Variants in SLC4A4 observed in about 807,000 individuals in gnomAD.
SLC4A4 encodes the protein solute carrier family 4 member 4, also known as electrogenic sodium bicarbonate cotransporter 1.
In SLC4A4, 27 loss-of-function variants were observed where a neutral mutation model predicts 111.5. The ratio of observed to expected loss-of-function variants is 0.24; its 90% CI spans 0.18 to 0.33. The LOEUF is 0.33. SLC4A4 is among the 10% of genes least tolerant of loss of function. The probability of loss-of-function intolerance (pLI) is 1.00; values close to 1 mark genes in which losing one functional copy is unlikely to be tolerated. For synonymous variants in SLC4A4, 443 were observed against 463.4 expected (o/e 0.96, Z 0.57); for missense variants, 909 against 1,315.5 (o/e 0.69, Z 4.78).
At chr4:71,183,772 G>A (rs1745373292), upstream of SLC4A4, among the ~76,000 whole-genome samples, 1 of 152,152 alleles carries the variant, frequency 6.6e-6, no homozygotes, top group South Asian at 2.1e-4. Context: ...TCTCTATTCT[G>A]TGTAGCAACA....
intron 1 of SLC4A4, among the ~76,000 whole-genome samples, chr4:71,075,437 G>A (rs1321786625): frequency 6.6e-6 from 1 of 152,176 alleles, no homozygotes; most frequent in African/African-American, 2.4e-5. Context: ...CCCTTGCCAT[G>A]CTCTGTAAGG....
At position 71,241,794 on chromosome 4, in the gene SLC4A4, A is replaced by G. The variant is rs149606554; in HGVS notation, c.73+5145A>G. Among the ~76,000 whole-genome samples the G allele has an allele frequency of 8.5e-5, 13 of 152,346 alleles. No individual in the cohort carries two copies. The East Asian group carries it at 2.5e-3, about 29-fold the overall frequency. On this transcript the variant is annotated intron_variant, in intron 2 of 25. Transcript: ENST00000264485. ...ATGTATCCACACATTGGCCCACTTT[A>G]AAGAAATACAGTGAGGTTTTTAAAA... is the stretch of plus-strand genomic sequence containing the variant.
chr4:71,369,656 A>G (rs1731666687), intron 6 of SLC4A4, among the ~76,000 whole-genome samples: 1 of 152,240 alleles, frequency 6.6e-6, no homozygotes, highest in African/African-American at 2.4e-5. Context: ...AAAAAGGGGA[A>G]TAAGATAGAA....
At chr4:71,337,451 G>C (rs1728521369) in intron 3 of SLC4A4, among the ~76,000 whole-genome samples, 1 of 151,932 alleles carries the variant, frequency 6.6e-6, no homozygotes, top group Non-Finnish European at 1.5e-5. Context: ...TGATTGAGTG[G>C]TATTTCATTG....
At chr4:71,283,992 C>G (rs1457186533) in intron 3 of SLC4A4, among the ~76,000 whole-genome samples, 1 of 152,142 alleles carries the variant, frequency 6.6e-6, no homozygotes, top group African/African-American at 2.4e-5. Context: ...CATTTTTCCC[C>G]CTTTGTCTTG....
intron 16 of SLC4A4, among the ~76,000 whole-genome samples, chr4:71,527,839 A>C (rs1360378620): frequency 2.6e-5 from 4 of 152,064 alleles, no homozygotes; most frequent in Non-Finnish European, 5.9e-5. Context: ...TAGAAATATA[A>C]ATTTTTTGTT....
chr4:71,222,050 A>T (rs1718777690), intron 1 of SLC4A4, among the ~76,000 whole-genome samples: 1 of 152,214 alleles, frequency 6.6e-6, no homozygotes, highest in African/African-American at 2.4e-5. Flanking sequence ...GGTAAAGACT[A>T]TAAGCTCGAG....
intron 7 of SLC4A4, among the ~76,000 whole-genome samples, chr4:71,404,597 A>G (rs563411887): frequency 2.8e-3 from 434 of 152,336 alleles, no homozygotes; most frequent in Non-Finnish European, 5.5e-3. Context: ...CATGCTGTCA[A>G]CAATAATCTT....
chr4:71,392,544 C>T (rs535006452), intron 6 of SLC4A4, among the ~76,000 whole-genome samples: 1 of 152,150 alleles, frequency 6.6e-6, no homozygotes, highest in African/African-American at 2.4e-5. Flanking sequence ...ACATTGGTGT[C>T]CACACTCCCC....
intron 8 of SLC4A4, among the ~76,000 whole-genome samples, chr4:71,444,149 C>A (rs1240890202): frequency 6.6e-6 from 1 of 152,168 alleles, no homozygotes; most frequent in Non-Finnish European, 1.5e-5. Flanking sequence ...GGGTGCATAT[C>A]TTTTCCGAAA....
intron 2 of SLC4A4, among the ~76,000 whole-genome samples, chr4:71,131,619 A>G (rs1463694143): frequency 6.6e-6 from 1 of 152,216 alleles, no homozygotes; most frequent in Admixed American, 6.5e-5. Flanking sequence ...TTAGAGAATG[A>G]AAAGCTGTAT....
chr4:71,490,426 A>G (rs1190227100), intron 15 of SLC4A4, among the ~76,000 whole-genome samples: 1 of 151,792 alleles, frequency 6.6e-6, no homozygotes, highest in East Asian at 1.9e-4. Flanking sequence ...TCCAAACAAG[A>G]TACAGGACAT....
chr4:71,366,759 C>T (rs185353400), intron 6 of SLC4A4, among the ~76,000 whole-genome samples: 104 of 152,174 alleles, frequency 6.8e-4, no homozygotes, highest in Admixed American at 1.6e-3. Context: ...GCTTTGGGAA[C>T]GACTTCTCAA....
At chr4:71,097,047 G>A (rs1199197909) in intron 2 of SLC4A4, among the ~76,000 whole-genome samples, 1 of 152,054 alleles carries the variant, frequency 6.6e-6, no homozygotes, top group Non-Finnish European at 1.5e-5. Flanking sequence ...TTAGGTTTAG[G>A]GGTACATTTA....
rs571362602 is a variant in SLC4A4 at position 71,131,665 on chromosome 4, T to C, written c.-2+38873T>C. Among the ~76,000 whole-genome samples the C allele has an allele frequency of 5.3e-5, 8 of 152,344 alleles. No homozygotes were observed. In the East Asian group the frequency reaches 1.5e-3, roughly 29 times the overall value. On this transcript the variant is annotated intron_variant, in intron 2 of 26. Coordinates refer to the SLC4A4 transcript ENST00000649996. Reference sequence around the variant, plus strand: ...TTATTAAACATTGGTAAATGCATTATTGACCTTGTCATGATGCCAGATTGT... The same window carrying C: ...TTATTAAACATTGGTAAATGCATTACTGACCTTGTCATGATGCCAGATTGT...
At chr4:71,518,005 G>C (rs1427434209) in intron 16 of SLC4A4, among the ~76,000 whole-genome samples, 2 of 152,172 alleles carry the variant, frequency 1.3e-5, no homozygotes, top group African/African-American at 4.8e-5. Flanking sequence ...CAGGAGCCTT[G>C]GTTCAAGGAG....
At chr4:71,558,875 A>G (rs1736710128) in intron 22 of SLC4A4, among the ~76,000 whole-genome samples, 1 of 151,856 alleles carries the variant, frequency 6.6e-6, no homozygotes, top group South Asian at 2.1e-4. Flanking sequence ...AAAAAAAACT[A>G]TATTAACTTA....
At chr4:71,091,756 G>C (rs1283609042) in intron 1 of SLC4A4, among the ~76,000 whole-genome samples, 1 of 152,102 alleles carries the variant, frequency 6.6e-6, no homozygotes, top group African/African-American at 2.4e-5. Flanking sequence ...GTCCCTATTA[G>C]GATCTGGCTC....
chr4:71,215,903 ATTTTTTT>A (rs990635246), intron 1 of SLC4A4, among the ~76,000 whole-genome samples: 1 of 127,870 alleles, frequency 7.8e-6, no homozygotes, highest in African/African-American at 2.9e-5. Context: ...TGTCATTTCT[ATTTTTTT>A]TTTTTTTTTT....
Sources: allele counts gnomAD v4.1 joint callset (sites outside exome capture counted in the v4.1 genomes callset), GRCh38; gene constraint gnomAD v4.1.1; transcripts MANE v1.5; gene names NCBI Gene and HGNC (gene_info 2026-07-23, HGNC 2026-07-21).